ZC3H4: variants seen among roughly 807,000 people sequenced by gnomAD.
ZC3H4 encodes the protein zinc finger CCCH-type containing 4, also known as zinc finger CCCH domain-containing protein 4.
Under a neutral mutation model 108.3 loss-of-function variants are expected in ZC3H4, and 13 were observed. That is an observed-to-expected ratio of 0.12 (90% CI 0.08 to 0.19). ZC3H4 has a LOEUF of 0.19. Ranked by LOEUF, ZC3H4 falls within the 10% of genes least tolerant of loss-of-function variation. ZC3H4 has a pLI of 1.00. For synonymous variants in ZC3H4, 917 were observed against 749.6 expected, an observed-to-expected ratio of 1.22 and a Z score of -3.65; for missense variants, 1,734 against 1,838.8, an observed-to-expected ratio of 0.94 and a Z score of 1.04.
chr19:47,066,730 T>C lies in ZC3H4; in HGVS notation c.3538A>G (p.Ser1180Gly), dbSNP rs1293184124. The C allele has an allele frequency of 6.2e-7, 1 of 1,606,762 alleles. No individual in the cohort carries two copies. The highest frequency in any genetic ancestry group is 8.5e-7 in the Non-Finnish European group (1 of 1,178,498). ...QPKGAEGNGK[S>G]SASKAKEPPF... The stretch of plus-strand genomic sequence containing the variant: ...GGCTCCTTAGCCTTGGAGGCCGAGC[T>C]CTTGCCATTGCCCTCAGCACCCTTG... Residue 1180 changes from serine (S) to glycine (G), a missense_variant, in exon 15 of 15, where the codon AGC becomes GGC. Coordinates refer to ENST00000253048, the MANE Select transcript of ZC3H4 (RefSeq NM_015168.2).
At chr19:47,101,721 A>G (rs1289434404) in intron 2 of ZC3H4, among the ~76,000 whole-genome samples, 1 of 151,972 alleles carries the variant, frequency 6.6e-6, no homozygotes, top group Admixed American at 6.6e-5. Context: ...AAATACAAAA[A>G]TTAGCTGGGC....
At chr19:47,082,919 G>A (rs1033673903) in intron 9 of ZC3H4, among the ~76,000 whole-genome samples, 3 of 152,158 alleles carry the variant, frequency 2.0e-5, no homozygotes, top group Non-Finnish European at 2.9e-5. Context: ...ACAATACCTA[G>A]GTGAAATCCA....
At chr19:47,079,396 TA>T (rs2057480585) in intron 11 of ZC3H4, among the ~76,000 whole-genome samples, 1 of 151,318 alleles carries the variant, frequency 6.6e-6, no homozygotes. Context: ...TTTTTTTTTT[TA>T]ATGTGGCTAC....
chr19:47,104,500 T>C (rs2057944351), intron 2 of ZC3H4, among the ~76,000 whole-genome samples: 1 of 152,158 alleles, frequency 6.6e-6, no homozygotes, highest in South Asian at 2.1e-4. Context: ...CTATATGAAG[T>C]ATCAATCTCA....
At chr19:47,077,468 T>TAA (rs751302059) in intron 11 of ZC3H4, among the ~76,000 whole-genome samples, 20 of 122,252 alleles carry the variant, frequency 1.6e-4, no homozygotes, top group Admixed American at 2.5e-4. Flanking sequence ...AACTCCGTCT[T>TAA]AAAAAAAAAA....
At chr19:47,078,433 G>A (rs550943302) in intron 11 of ZC3H4, among the ~76,000 whole-genome samples, 27 of 151,414 alleles carry the variant, frequency 1.8e-4, no homozygotes, top group African/African-American at 2.9e-4. Flanking sequence ...GCAGTGAGCC[G>A]AGACCACGCC....
At chr19:47,086,635 A>G in intron 5 of ZC3H4, 97 bp from the exon 6 acceptor site, 1 of 1,450,624 alleles carries the variant, frequency 6.9e-7, no homozygotes, top group Non-Finnish European at 9.0e-7. Flanking sequence ...CAATCACTTC[A>G]GCTGCCTCCT....
chr19:47,094,678 C>A, intron 2 of ZC3H4, 70 bp from the exon 3 acceptor site: 1 of 1,531,500 alleles, frequency 6.5e-7, no homozygotes. Flanking sequence ...TCTGGGCTGG[C>A]CAAGGCTGAC....
chr19:47,098,987 C>T (rs1296411836), intron 2 of ZC3H4, among the ~76,000 whole-genome samples: 1 of 152,122 alleles, frequency 6.6e-6, no homozygotes, highest in East Asian at 1.9e-4. Context: ...AACAGCAGCA[C>T]CTATCTCAAG....
chr19:47,097,346 A>C (rs962216378), intron 2 of ZC3H4, among the ~76,000 whole-genome samples: 2 of 152,200 alleles, frequency 1.3e-5, no homozygotes, highest in Non-Finnish European at 2.9e-5. Flanking sequence ...CGGTTGATAA[A>C]GGGGCACTGA....
intron 2 of ZC3H4, among the ~76,000 whole-genome samples, chr19:47,108,334 C>T (rs2057993216): frequency 6.6e-6 from 1 of 152,052 alleles, no homozygotes; most frequent in Admixed American, 6.6e-5. Context: ...TAGCTATCCA[C>T]GGAGACCTGG....
chr19:47,078,144 C>A (rs1445122405), intron 11 of ZC3H4, among the ~76,000 whole-genome samples: 1 of 152,108 alleles, frequency 6.6e-6, no homozygotes, highest in Non-Finnish European at 1.5e-5. Context: ...ATACAAAAAG[C>A]CCCCCTAAAC....
chr19:47,064,749 AAGACAAAC>A lies in ZC3H4; in HGVS notation c.*1599_*1606del, dbSNP rs1568520619. On this transcript the variant is annotated 3_prime_UTR_variant, in exon 15 of 15. Transcript: ENST00000253048. ...AAAAAAAAAAAAAAAAAAAGACAAAAAGACAAACCAACCAACCAGATCCCAGCACTGAC... is the reference window on the plus strand; with the variant it reads ...AAAAAAAAAAAAAAAAAAAGACAAAACAACCAACCAGATCCCAGCACTGAC... 6 of 151,934 alleles carry A rather than the reference AAGACAAAC, an allele frequency of 3.9e-5. No individual in the cohort carries two copies. The highest frequency in any genetic ancestry group is 3.3e-4 in the Admixed American group (5 of 15,234). 9.4% of individuals were successfully genotyped at this position (151,934 alleles called of 1,614,324 possible). A position where few individuals can be genotyped will look rare whatever the true frequency, so the allele number is the denominator to read the frequency against.
At chr19:47,088,857 T>C (rs533176384) in intron 5 of ZC3H4, among the ~76,000 whole-genome samples, 1 of 152,244 alleles carries the variant, frequency 6.6e-6, no homozygotes, top group Non-Finnish European at 1.5e-5. Flanking sequence ...AGCACTGGCC[T>C]AGGATCTCCC....
intron 11 of ZC3H4, among the ~76,000 whole-genome samples, chr19:47,073,155 C>G (rs1037356584): frequency 2.6e-4 from 40 of 152,070 alleles, no homozygotes; most frequent in Admixed American, 1.1e-3. Context: ...CGCCTGTAGT[C>G]TCAGCTACTC....
intron 4 of ZC3H4, among the ~76,000 whole-genome samples, chr19:47,092,044 A>C (rs1329241939): frequency 6.6e-6 from 1 of 152,056 alleles, no homozygotes; most frequent in Non-Finnish European, 1.5e-5. Context: ...CCCCATCTCT[A>C]CCAAAAGTAC....
intron 6 of ZC3H4, 41 bp downstream of exon 6, chr19:47,086,343 C>A: frequency 6.2e-7 from 1 of 1,609,448 alleles, no homozygotes; most frequent in Non-Finnish European, 8.5e-7. Context: ...GAAAGCCCAC[C>A]AGCCTCACCC....
Position 47,067,503 on chromosome 19 carries a change from G to A in ZC3H4, c.2765C>T (p.Pro922Leu). ...PSSSKGSGPP[P>L]TEEEEGERAL... ...CCGCTCCCCTTCCTCCTCCTCCGTT[G>A]GGGGCGGCCCAGACCCCTTGGAACT... Residue 922 changes from proline to leucine, a missense_variant, in exon 15 of 15, where the codon CCA (proline) becomes CTA (leucine). Transcript: ENST00000253048. The surrounding 1 kb of genome is among the most constrained non-coding windows in gnomAD (Gnocchi z 6.4). 4.4e-6 allele frequency: 7 copies of A among 1,586,376 alleles called. No individual in the cohort carries two copies. The highest frequency in any genetic ancestry group is 5.2e-6 in the Non-Finnish European group (6 of 1,165,010).
Position 47,067,564 on chromosome 19 carries a change from C to G in ZC3H4, c.2704G>C (p.Glu902Gln), listed in dbSNP as rs781277526. 6.2e-7 allele frequency: 1 copy of G among 1,602,338 alleles called. No individual in the cohort carries two copies. Among genetic ancestry groups the G allele is most frequent in the Admixed American group, 1.7e-5 (1 of 58,872 alleles). The change falls in exon 15 of 15, where the codon GAA (glutamate) becomes CAA (glutamine). Residue 902 changes from glutamate to glutamine, a missense_variant. This residue lies in a region of ZC3H4 where 540 missense variants were observed against 484.1 expected (regional missense o/e 1.12). Coordinates refer to ENST00000253048, the MANE Select transcript of ZC3H4 (RefSeq NM_015168.2). This position sits in a 1 kb window ranked among gnomAD's most constrained non-coding sequence, Gnocchi z 6.4. ...LARALPTSKP[E>Q]GSLHSSPVGP... ...ACAGGGCTGGAATGAAGGCTGCCTT[C>G]GGGCTTGGAGGTGGGCAGGGCGCGA...
Sources: allele counts gnomAD v4.1 joint callset (sites outside exome capture counted in the v4.1 genomes callset), GRCh38; gene constraint gnomAD v4.1.1; regional missense constraint gnomAD v4.1.1; non-coding constraint Gnocchi (gnomAD v3.1); transcripts MANE v1.5; gene names NCBI Gene and HGNC (gene_info 2026-07-23, HGNC 2026-07-21).